CWC27: variants seen among roughly 807,000 people sequenced by gnomAD.
The protein encoded by CWC27 is CWC27 spliceosome associated cyclophilin.
In CWC27, 47 loss-of-function variants were observed where a neutral mutation model predicts 63.6. That is an observed-to-expected ratio of 0.74 (90% CI 0.58 to 0.94). The LOEUF is 0.94. CWC27 is among the 40% of genes least tolerant of loss of function. The pLI is 0.00. For synonymous variants in CWC27, 175 were observed against 179.8 expected (o/e 0.97, Z 0.22); for missense variants, 495 against 554.3 (o/e 0.89, Z 1.07).
chr5:64,845,391 G>A (rs981237821), intron 10 of CWC27, among the ~76,000 whole-genome samples: 10 of 152,090 alleles, frequency 6.6e-5, no homozygotes, highest in African/African-American at 1.9e-4. Context: ...CCAAAGAAAC[G>A]GAGATATTTG....
intron 10 of CWC27, among the ~76,000 whole-genome samples, chr5:64,812,700 T>C (rs1323056451): frequency 6.6e-6 from 1 of 152,174 alleles, no homozygotes; most frequent in Non-Finnish European, 1.5e-5. Flanking sequence ...AAATATATGT[T>C]ATTCGTGTTC....
intron 11 of CWC27, among the ~76,000 whole-genome samples, chr5:64,889,126 G>A (rs139291689): frequency 2.2e-4 from 34 of 152,072 alleles, no homozygotes; most frequent in African/African-American, 8.2e-4. Context: ...GAAAGACAAG[G>A]AATGATTGAT....
chr5:64,946,488 G>A (rs979900655), intron 11 of CWC27, among the ~76,000 whole-genome samples: 2 of 152,134 alleles, frequency 1.3e-5, no homozygotes, highest in Non-Finnish European at 2.9e-5. Context: ...TAAAATAGAT[G>A]TGCATATTCA....
chr5:64,952,574 G>C (rs116180962), intron 11 of CWC27, among the ~76,000 whole-genome samples: 1 of 152,014 alleles, frequency 6.6e-6, no homozygotes, highest in African/African-American at 2.4e-5. Flanking sequence ...AACCTGGAGA[G>C]GGGTATGGAA....
At position 64,804,305 on chromosome 5, in the gene CWC27, C is replaced by T; in HGVS notation, c.857C>T (p.Ala286Val). The change falls in exon 10 of 14, where the codon GCC becomes GTC. Residue 286 changes from alanine to valine, a missense_variant. Coordinates refer to ENST00000381070, the MANE Select transcript of CWC27 (RefSeq NM_005869.4). ...AAGAACCTGATGAGAGAAAGAATTG[C>T]CAAAAAATTAAAAAAGGACACAAGT... is the stretch of plus-strand genomic sequence containing the variant. ...DEKNLMRERI[A>V]KKLKKDTSAN... The T allele has an allele frequency of 6.2e-7, 1 of 1,612,196 alleles. No individual in the cohort carries two copies. The highest frequency in any genetic ancestry group is 8.5e-7 in the Non-Finnish European group (1 of 1,179,200).
chr5:65,006,588 A>AT (rs1416246653), intron 13 of CWC27, among the ~76,000 whole-genome samples: 3 of 152,146 alleles, frequency 2.0e-5, no homozygotes, highest in Admixed American at 1.3e-4. Flanking sequence ...AGAATACTTA[A>AT]TTTTTGACAA....
At chr5:64,919,142 C>G (rs1381211856) in intron 11 of CWC27, among the ~76,000 whole-genome samples, 1 of 152,062 alleles carries the variant, frequency 6.6e-6, no homozygotes, top group African/African-American at 2.4e-5. Context: ...TAAATGCTTT[C>G]TTTGTGTTTC....
intron 11 of CWC27, among the ~76,000 whole-genome samples, chr5:64,910,330 A>T (rs571753527): frequency 6.6e-6 from 1 of 152,296 alleles, no homozygotes; most frequent in African/African-American, 2.4e-5. Flanking sequence ...GCTTCGTCCC[A>T]GAGGGGCACC....
At chr5:64,937,209 T>A (rs1304310094) in intron 11 of CWC27, among the ~76,000 whole-genome samples, 1 of 152,218 alleles carries the variant, frequency 6.6e-6, no homozygotes, top group Non-Finnish European at 1.5e-5. Flanking sequence ...TTTTAGATCT[T>A]TCCAGCTTTC....
intron 13 of CWC27, among the ~76,000 whole-genome samples, chr5:65,015,671 G>T (rs1449637860): frequency 1.3e-5 from 2 of 152,156 alleles, no homozygotes; most frequent in Non-Finnish European, 2.9e-5. Flanking sequence ...AGCAAAGATT[G>T]TAAGAAGTGT....
chr5:64,799,257 A>C (rs988904511), intron 7 of CWC27, among the ~76,000 whole-genome samples: 1 of 152,120 alleles, frequency 6.6e-6, no homozygotes, highest in African/African-American at 2.4e-5. Context: ...GAGGGTTAGC[A>C]ATGCTATTTG....
At chr5:64,769,226 C>T (rs369134861) in intron 1 of CWC27, 38 bp downstream of exon 1, 11 of 1,600,526 alleles carry the variant, frequency 6.9e-6, no homozygotes, top group African/African-American at 1.3e-5. Context: ...GTCCTGGGAT[C>T]CCCAAAGTGA....
chr5:64,993,611 A>G (rs1431467669), intron 13 of CWC27, among the ~76,000 whole-genome samples: 5 of 151,906 alleles, frequency 3.3e-5, no homozygotes, highest in African/African-American at 4.8e-5. Flanking sequence ...TACCTTTTCT[A>G]TGTTGGGAAT....
intron 11 of CWC27, among the ~76,000 whole-genome samples, chr5:64,943,444 C>T (rs756429539): frequency 1.8e-4 from 28 of 152,132 alleles, no homozygotes; most frequent in Non-Finnish European, 3.8e-4. Context: ...CCTTAGCGTT[C>T]TGTACTACCC....
intron 11 of CWC27, among the ~76,000 whole-genome samples, chr5:64,912,227 T>C (rs556467450): frequency 4.9e-4 from 74 of 152,210 alleles, no homozygotes; most frequent in African/African-American, 1.8e-3. Flanking sequence ...AAATCCTCCC[T>C]GGGAGAAAAT....
chr5:64,877,961 G>C (rs1322731371), intron 10 of CWC27, among the ~76,000 whole-genome samples: 1 of 151,700 alleles, frequency 6.6e-6, no homozygotes, highest in African/African-American at 2.4e-5. Flanking sequence ...TGAAAACCAA[G>C]GAAATAATTT....
chr5:64,986,393 A>G (rs1369051825), intron 13 of CWC27, among the ~76,000 whole-genome samples: 2 of 152,202 alleles, frequency 1.3e-5, no homozygotes, highest in East Asian at 3.8e-4. Context: ...CCACTTGGTC[A>G]TGGTATATAA....
At chr5:64,907,630 C>G (rs577380356) in intron 11 of CWC27, among the ~76,000 whole-genome samples, 2 of 152,172 alleles carry the variant, frequency 1.3e-5, no homozygotes, top group Non-Finnish European at 2.9e-5. Flanking sequence ...TTGACTTCCT[C>G]TTTTCCTAAT....
chr5:64,840,794 T>C (rs1238510163), intron 10 of CWC27, among the ~76,000 whole-genome samples: 1 of 152,114 alleles, frequency 6.6e-6, no homozygotes, highest in East Asian at 1.9e-4. Flanking sequence ...GCTTGAAGTC[T>C]GGAAATCAGT....
Sources: allele counts gnomAD v4.1 joint callset (sites outside exome capture counted in the v4.1 genomes callset), GRCh38; gene constraint gnomAD v4.1.1; transcripts MANE v1.5; gene names NCBI Gene and HGNC (gene_info 2026-07-23, HGNC 2026-07-21).